The following PGR variants were observed in gnomAD, a reference collection of about 807,000 sequenced individuals.
The protein encoded by PGR is nuclear receptor subfamily 3 group C member 3.
In PGR, 25 loss-of-function variants were observed where a neutral mutation model predicts 76.1. That is an observed-to-expected ratio of 0.33 (90% CI 0.24 to 0.46). PGR has a LOEUF of 0.46. Ranked by LOEUF, PGR falls within the 20% of genes least tolerant of loss-of-function variation. PGR has a pLI of 1.00. For missense variants in PGR, 1,172 were observed against 1,225.3 expected, an observed-to-expected ratio of 0.96 and a Z score of 0.65; for synonymous variants, 579 against 535.0, an observed-to-expected ratio of 1.08 and a Z score of -1.14.
chr11:101,046,100 GTAATT>G (rs1195538803), intron 6 of PGR, among the ~76,000 whole-genome samples: 1 of 147,150 alleles, frequency 6.8e-6, no homozygotes, highest in African/African-American at 2.5e-5. Context: ...AGATTTTAGT[GTAATT>G]TATTTATTTT....
intron 7 of PGR, among the ~76,000 whole-genome samples, chr11:101,039,522 A>G (rs2135376660): frequency 6.6e-6 from 1 of 151,826 alleles, no homozygotes; most frequent in Non-Finnish European, 1.5e-5. Context: ...ACAATTCTAC[A>G]GGATAAGCTG....
intron 4 of PGR, 105 bp from the exon 5 acceptor site, chr11:101,051,673 A>T (rs578029): frequency 0.75 from 610,553 of 814,666 alleles, 230,943 homozygotes; most frequent in East Asian, 1. Flanking sequence ...TAGGGTAATA[A>T]AATGTTTTCA....
chr11:101,125,393 G>T (rs1404548493), intron 2 of PGR, among the ~76,000 whole-genome samples: 1 of 152,030 alleles, frequency 6.6e-6, no homozygotes, highest in Non-Finnish European at 1.5e-5. Context: ...TGATGTCCAG[G>T]TTTTTTATTT....
intron 2 of PGR, among the ~76,000 whole-genome samples, chr11:101,122,967 A>C (rs1369292401): frequency 6.6e-6 from 1 of 152,130 alleles, no homozygotes; most frequent in Admixed American, 6.5e-5. Context: ...TAGATGTTTC[A>C]TCACTTGGCT....
chr11:101,091,886 C>A lies in PGR; in HGVS notation c.1790-10G>T. 2 of 1,235,960 alleles carry A rather than the reference C, an allele frequency of 1.6e-6. No homozygotes were observed. The highest frequency in any genetic ancestry group is 2.4e-6 in the Non-Finnish European group (2 of 836,204). The allele number at this position is 1,235,960 out of a possible 1,614,324, so 76.6% of individuals were successfully genotyped here. A position where few individuals can be genotyped will look rare whatever the true frequency, so the allele number is the denominator to read the frequency against. Reference sequence around the variant, plus strand: ...AAGTAGTTGTGCTGCCCTAAAAAAACAAAATGAGTCAAAATTATTTACAAT... The same window carrying A: ...AAGTAGTTGTGCTGCCCTAAAAAAAAAAAATGAGTCAAAATTATTTACAAT... On this transcript the variant is annotated splice_polypyrimidine_tract_variant and intron_variant, in intron 2 of 7. Transcript: ENST00000325455.
intron 4 of PGR, among the ~76,000 whole-genome samples, chr11:101,054,542 G>A (rs918452238): frequency 2.0e-5 from 3 of 152,108 alleles, no homozygotes; most frequent in African/African-American, 7.2e-5. Flanking sequence ...TTTGACAAGA[G>A]ATCAATGAAT....
chr11:101,110,827 G>C (rs1368298857), intron 2 of PGR, among the ~76,000 whole-genome samples: 1 of 152,222 alleles, frequency 6.6e-6, no homozygotes, highest in South Asian at 2.1e-4. Context: ...AATTGCCACA[G>C]ACACCCCAAC....
At chr11:101,113,426 T>TC (rs1280941025) in intron 2 of PGR, among the ~76,000 whole-genome samples, 51 of 69,166 alleles carry the variant, frequency 7.4e-4, no homozygotes, top group African/African-American at 1.8e-3. Flanking sequence ...CATGCCTGGC[T>TC]ATTTTTTTTT....
At chr11:101,088,598 C>G (rs552878429) in intron 3 of PGR, among the ~76,000 whole-genome samples, 1 of 152,274 alleles carries the variant, frequency 6.6e-6, no homozygotes, top group Admixed American at 6.5e-5. Context: ...TCCCAAAGTG[C>G]TGGGATTACA....
intron 3 of PGR, among the ~76,000 whole-genome samples, chr11:101,089,856 A>C (rs1409662528): frequency 6.6e-6 from 1 of 152,230 alleles, no homozygotes; most frequent in African/African-American, 2.4e-5. Flanking sequence ...AACAGGCTAA[A>C]GTAACAAGCA....
intron 2 of PGR, among the ~76,000 whole-genome samples, chr11:101,113,054 C>T (rs1450765246): frequency 6.6e-6 from 1 of 152,094 alleles, no homozygotes; most frequent in African/African-American, 2.4e-5. Context: ...AATCTTATTT[C>T]AAAATGTTTA....
intron 2 of PGR, among the ~76,000 whole-genome samples, chr11:101,098,525 A>G (rs1861905377): frequency 6.6e-6 from 1 of 152,218 alleles, no homozygotes; most frequent in Admixed American, 6.5e-5. Flanking sequence ...CCACAAACAC[A>G]GAAATACTGG....
intron 6 of PGR, among the ~76,000 whole-genome samples, chr11:101,049,013 G>A (rs527800981): frequency 3.3e-5 from 5 of 151,898 alleles, no homozygotes; most frequent in African/African-American, 1.2e-4. Flanking sequence ...CCCAAGTAGT[G>A]GGGACTACAG....
intron 2 of PGR, among the ~76,000 whole-genome samples, chr11:101,100,130 T>TC (rs966753940): frequency 6.6e-6 from 1 of 152,030 alleles, no homozygotes; most frequent in African/African-American, 2.4e-5. Context: ...AATCCCATAA[T>TC]CCCCCCATGT....
At chr11:101,045,210 C>T (rs749715605) in intron 6 of PGR, among the ~76,000 whole-genome samples, 1 of 152,144 alleles carries the variant, frequency 6.6e-6, no homozygotes, top group African/African-American at 2.4e-5. Context: ...AAAGGAGACT[C>T]TGAAGAGTAA....
rs533975961 is a variant in PGR at position 101,036,884 on chromosome 11, A to G, written c.*2232T>C. ...TATTGGTTTAATTCAAAGTAACAAG[A>G]ATCAGATAATAAAATGATCACAACA... On this transcript the variant is annotated 3_prime_UTR_variant, in exon 8 of 8. Coordinates refer to ENST00000325455, the MANE Select transcript of PGR (RefSeq NM_000926.4). 2.1e-5 allele frequency: 4 copies of G among 195,074 alleles called. No individual in the cohort carries two copies. Among genetic ancestry groups the G allele is most frequent in the Non-Finnish European group, 3.2e-5 (3 of 93,738 alleles). The allele number at this position is 195,074 out of a possible 1,614,324, so 12.1% of individuals were successfully genotyped here.
At chr11:101,059,863 A>AAAAAAAAAAAAAAG (rs1565337616) in intron 4 of PGR, among the ~76,000 whole-genome samples, 37 of 141,170 alleles carry the variant, frequency 2.6e-4, no homozygotes, top group Non-Finnish European at 4.5e-4. Context: ...AAAAAAAAAG[A>AAAAAAAAAAAAAAG]AAAAAAAGAA....
rs866230455 is a variant in PGR, at chr11:101,083,823, G to C, written c.1906+7937C>G. Among the ~76,000 whole-genome samples, 5 of 152,150 alleles carry C rather than the reference G, an allele frequency of 3.3e-5. No homozygotes were observed. In the South Asian group the frequency reaches 1.0e-3, roughly 32 times the overall value. ...ATATTACAAGATCATAGGTGGAAGG[G>C]ACTTGCCTTGTCTCAGACGAGACTT... On this transcript the variant is annotated intron_variant, in intron 3 of 7. Coordinates refer to ENST00000325455, the MANE Select transcript of PGR (RefSeq NM_000926.4).
intron 2 of PGR, among the ~76,000 whole-genome samples, chr11:101,104,547 C>T (rs1490798614): frequency 1.3e-5 from 2 of 152,192 alleles, no homozygotes; most frequent in Admixed American, 6.5e-5. Flanking sequence ...AATTTCTCTT[C>T]ATTCCGAAGT....
Sources: allele counts gnomAD v4.1 joint callset (sites outside exome capture counted in the v4.1 genomes callset), GRCh38; gene constraint gnomAD v4.1.1; transcripts MANE v1.5; gene names NCBI Gene and HGNC (gene_info 2026-07-23, HGNC 2026-07-21).